The following ZNF280C variants were observed in gnomAD, a reference collection of about 807,000 sequenced individuals.
The protein encoded by ZNF280C is suppressor of hairy wing homolog 3.
A neutral mutation model predicts 53.6 loss-of-function variants in ZNF280C; 14 were observed. The ratio of observed to expected loss-of-function variants is 0.26; its 90% confidence interval spans 0.17 to 0.41. The LOEUF (loss-of-function observed/expected upper bound fraction) is 0.41, where lower values mean the gene tolerates loss of function less well. Among genes scored for constraint, ZNF280C ranks in the 10% least tolerant of loss-of-function variants. The probability of loss-of-function intolerance (pLI) is 1.00; values close to 1 mark genes in which losing one functional copy is unlikely to be tolerated. For synonymous variants in ZNF280C, 203 were observed against 181.1 expected (o/e 1.12, Z -0.97); for missense variants, 416 against 547.1 (o/e 0.76, Z 2.39).
At chrX:130,216,123 A>G (rs2032100906) in intron 13 of ZNF280C, 22 bp from the exon 14 acceptor site, 11 of 1,136,255 alleles carry the variant, frequency 9.7e-6, no homozygotes, top group South Asian at 6.1e-5. Context: ...AAGCCAATAC[A>G]TATTTTTAGA....
At chrX:130,208,775 A>G (rs1429298886) in intron 16 of ZNF280C, among the ~76,000 whole-genome samples, 1 of 108,198 alleles carries the variant, frequency 9.2e-6, no homozygotes, top group Non-Finnish European at 1.9e-5. Context: ...GGCTCACTGC[A>G]ACCTCTGCCC....
chrX:130,243,536 T>G, intron 5 of ZNF280C, 27 bp downstream of exon 5: 1 of 1,190,920 alleles, frequency 8.4e-7, no homozygotes, highest in Admixed American at 2.3e-5. Flanking sequence ...GTCCCTGAAT[T>G]AATTGTGTAA....
chrX:130,248,415 T>A, intron 2 of ZNF280C, among the ~76,000 whole-genome samples: 1 of 110,087 alleles, frequency 9.1e-6, no homozygotes, highest in Non-Finnish European at 1.9e-5. Flanking sequence ...ACTGACACTT[T>A]AGTTGGCAGG....
chrX:130,230,006 G>A (rs28718789), intron 9 of ZNF280C, among the ~76,000 whole-genome samples: 2,523 of 111,820 alleles, frequency 0.023, 80 homozygotes, highest in African/African-American at 0.077. Flanking sequence ...AACCTACATA[G>A]CAATCATTGT....
intron 1 of ZNF280C, among the ~76,000 whole-genome samples, chrX:130,267,428 G>A (rs112533902): frequency 0.012 from 1,355 of 111,539 alleles, 11 homozygotes; most frequent in Non-Finnish European, 0.018. Flanking sequence ...TTGAACATTG[G>A]ATGAGGGTCA....
intron 5 of ZNF280C, among the ~76,000 whole-genome samples, chrX:130,243,102 T>C (rs2032411343): frequency 8.9e-6 from 1 of 112,542 alleles, no homozygotes; most frequent in African/African-American, 3.2e-5. Flanking sequence ...GGTTGAGTTA[T>C]ATCATAAAGA....
At chrX:130,263,085 G>A (rs2032648432) in intron 1 of ZNF280C, among the ~76,000 whole-genome samples, 1 of 112,514 alleles carries the variant, frequency 8.9e-6, no homozygotes, top group Non-Finnish European at 1.9e-5. Context: ...AGGATGTAGA[G>A]AAATTGGAAC....
At chrX:130,207,197 C>T (rs2031985538) in intron 16 of ZNF280C, among the ~76,000 whole-genome samples, 1 of 111,447 alleles carries the variant, frequency 9.0e-6, no homozygotes, top group South Asian at 3.8e-4. Flanking sequence ...ACAACTCATC[C>T]TGTATACTCC....
At chrX:130,235,367 T>C (rs2032319569) in intron 8 of ZNF280C, among the ~76,000 whole-genome samples, 1 of 110,946 alleles carries the variant, frequency 9.0e-6, no homozygotes, top group Admixed American at 9.6e-5. Flanking sequence ...ATACAAAAAT[T>C]AGCCAGGCAT....
rs902732781 is a variant in ZNF280C, at chrX:130,203,788, C to CA, written c.*1188dup. On this transcript the variant is annotated 3_prime_UTR_variant, in exon 19 of 19. Coordinates refer to ENST00000370978, the MANE Select transcript of ZNF280C (RefSeq NM_017666.5). ...TGTAATTGTAGAAATTTTGTTTTTC[C>CA]AAAAACAAGAAAGTAACCTTGGTTC... The CA allele has an allele frequency of 6.3e-5, 7 of 111,539 alleles. No individual in the cohort carries two copies. In the Admixed American group the frequency reaches 6.7e-4, roughly 11 times the overall value. The allele number at this position is 111,539 out of a possible 1,213,427, so 9.2% of individuals were successfully genotyped here.
rs1469103096 is a variant in ZNF280C at position 130,204,679 on chromosome X, T to C, written c.*298A>G. 1 of 237,332 alleles carries C rather than the reference T, an allele frequency of 4.2e-6. No individual in the cohort carries two copies. The highest frequency in any genetic ancestry group is 2.8e-5 in the African/African-American group (1 of 35,200). 19.6% of individuals were successfully genotyped at this position (237,332 alleles called of 1,213,427 possible). A position where few individuals can be genotyped will look rare whatever the true frequency, so the allele number is the denominator to read the frequency against. On this transcript the variant is annotated 3_prime_UTR_variant, in exon 19 of 19. Transcript: ENST00000370978. ...AGACAGAAAAAGATGAACAGTCATA[T>C]TATCTGGAATGTAATATTCTGAAGG...
intron 8 of ZNF280C, among the ~76,000 whole-genome samples, chrX:130,232,990 T>C (rs991148628): frequency 7.2e-4 from 79 of 110,335 alleles, no homozygotes; most frequent in African/African-American, 1.9e-3. Context: ...TATATATATA[T>C]ACACACACAC....
At position 130,204,250 on chromosome X, in the gene ZNF280C, A is replaced by C. The variant is rs1286900372; in HGVS notation, c.*727T>G. On this transcript the variant is annotated 3_prime_UTR_variant, in exon 19 of 19. Coordinates refer to ENST00000370978, the MANE Select transcript of ZNF280C (RefSeq NM_017666.5). The stretch of plus-strand genomic sequence containing the variant: ...ATCTCATGGACTTTTCTTGGTTAGA[A>C]TCGACCCATAAGCTTAAGATCAAAA... 1 of 112,581 alleles carries C rather than the reference A, an allele frequency of 8.9e-6. No individual in the cohort carries two copies. The highest frequency in any genetic ancestry group is 2.8e-4 in the East Asian group (1 of 3,581). The allele number at this position is 112,581 out of a possible 1,213,427, so 9.3% of individuals were successfully genotyped here. A position where few individuals can be genotyped will look rare whatever the true frequency, so the allele number is the denominator to read the frequency against.
At chrX:130,213,076 G>A (rs897369804) in intron 15 of ZNF280C, among the ~76,000 whole-genome samples, 6 of 112,218 alleles carry the variant, frequency 5.3e-5, no homozygotes, top group Middle Eastern at 4.6e-3. Context: ...ATTTTTGGCC[G>A]GGCGTGGTGG....
chrX:130,247,948 A>G (rs2032467243), intron 2 of ZNF280C, among the ~76,000 whole-genome samples: 1 of 108,044 alleles, frequency 9.3e-6, no homozygotes, highest in African/African-American at 3.4e-5. Flanking sequence ...TCACCAGCCT[A>G]CAAGTTCTGA....
Position 130,243,619 on chromosome X carries a change from G to A in ZNF280C, c.325C>T (p.His109Tyr). ...CTTTGTGAAGATTTAGATACAAGATGAAATCTAGGCGAGGCAGCCACTGGA... is the reference window on the plus strand; with the variant it reads ...CTTTGTGAAGATTTAGATACAAGATAAAATCTAGGCGAGGCAGCCACTGGA... ...SNPVAASPRF[H>Y]LVSKSSQSSV... The change falls in exon 5 of 19, where the codon CAT becomes TAT. Residue 109 changes from histidine to tyrosine, a missense_variant. By Grantham distance (83) the His-to-Tyr change is moderately conservative. Around this residue, in one of 3 missense-constraint regions of ZNF280C, gnomAD observed 193 missense variants for 201.4 expected, o/e 0.96. Coordinates refer to ENST00000370978, the MANE Select transcript of ZNF280C (RefSeq NM_017666.5). 8.3e-7 allele frequency: 1 copy of A among 1,210,418 alleles called. No homozygotes were observed. Among genetic ancestry groups the A allele is most frequent in the Non-Finnish European group, 1.1e-6 (1 of 894,111 alleles).
chrX:130,249,124 C>T (rs1168426628), intron 2 of ZNF280C, among the ~76,000 whole-genome samples: 2 of 111,431 alleles, frequency 1.8e-5, no homozygotes, highest in Non-Finnish European at 3.8e-5. Flanking sequence ...CCATCTCTGC[C>T]TGTATCAACA....
chrX:130,249,708 G>A (rs2032487380), intron 2 of ZNF280C, among the ~76,000 whole-genome samples: 1 of 112,018 alleles, frequency 8.9e-6, no homozygotes, highest in Admixed American at 9.5e-5. Flanking sequence ...CCACAAAGAA[G>A]AGAAAGAACC....
rs1044369221 is a variant in ZNF280C at position 130,236,454 on chromosome X, A to T, written c.664+15T>A. 1 of 1,170,092 alleles carries T rather than the reference A, an allele frequency of 8.5e-7. No homozygotes were observed. Reference sequence around the variant, plus strand: ...ATAATACTATTTTTTTTTACATGTCAGATTTCATGTTTACCTTTTGACAGC... The same window carrying T: ...ATAATACTATTTTTTTTTACATGTCTGATTTCATGTTTACCTTTTGACAGC... On this transcript the variant is annotated intron_variant, in intron 7 of 18. Transcript: ENST00000370978.
Sources: gnomAD v4.1 joint callset for allele counts (sites outside exome capture counted in the v4.1 genomes callset) on GRCh38, gnomAD v4.1.1 for gene constraint, gnomAD v4.1.1 regional missense constraint, MANE v1.5 for transcripts, NCBI Gene and HGNC (gene_info 2026-07-23, HGNC 2026-07-21) for gene names.